The following MAIP1 variants were observed in gnomAD, a reference collection of about 807,000 sequenced individuals.
MAIP1 encodes the protein matrix AAA peptidase interacting protein 1, also known as m-AAA protease-interacting protein 1, mitochondrial.
MAIP1 carries 28 observed loss-of-function variants against 31.2 expected under a neutral mutation model. That is an observed-to-expected ratio of 0.90 (90% confidence interval 0.67 to 1.23). MAIP1 has a LOEUF of 1.23. Ranked by LOEUF, MAIP1 falls within the 50% of genes most tolerant of loss-of-function variation. MAIP1 has a pLI of 0.00. For synonymous variants in MAIP1, 142 were observed against 142.3 expected, an observed-to-expected ratio of 1.00 and a Z score of 0.02; for missense variants, 339 against 356.0, an observed-to-expected ratio of 0.95 and a Z score of 0.38.
Position 199,959,787 on chromosome 2 carries a change from C to G in MAIP1, c.556C>G (p.Leu186Val). The change falls in exon 3 of 5, where the codon CTA becomes GTA. Residue 186 changes from leucine (L) to valine (V), a missense_variant. Physicochemically the swap from Leu to Val is conservative, Grantham distance 32. Transcript: ENST00000392290. The stretch of plus-strand genomic sequence containing the variant: ...TGCATTGAAAGAAAAGGTTACTTCA[C>G]TACCTGACAACCATAAAAATGCCCT... The part of the protein sequence containing the change: ...LHALKEKVTS[L>V]PDNHKNALAA... 1 of 1,612,548 alleles carries G rather than the reference C, an allele frequency of 6.2e-7. No individual in the cohort carries two copies. Among genetic ancestry groups the G allele is most frequent in the Non-Finnish European group, 8.5e-7 (1 of 1,179,180 alleles).
At chr2:199,957,695 AAAAGTC>A (rs2077615485) in intron 1 of MAIP1, among the ~76,000 whole-genome samples, 2 of 152,260 alleles carry the variant, frequency 1.3e-5, no homozygotes. Context: ...TTTATATAAA[AAAAGTC>A]AAAGAACAAA....
chr2:199,961,733 G>T (rs1321591086), intron 3 of MAIP1, 48 bp from the exon 4 acceptor site: 1 of 1,526,000 alleles, frequency 6.6e-7, no homozygotes, highest in Non-Finnish European at 9.0e-7. Flanking sequence ...ATGGATGATA[G>T]ATTATTTTGA....
Position 199,958,401 on chromosome 2 carries a change from G to A in MAIP1, c.451-867G>A, listed in dbSNP as rs572140856. Among the ~76,000 whole-genome samples the A allele has an allele frequency of 1.8e-4, 27 of 152,200 alleles. No individual in the cohort carries two copies. The East Asian group carries it at 2.1e-3, about 12-fold the overall frequency. ...TTAGAGCTTCAGCATAAATTTTCGGGGAAGGAGAGCACAATTCATCCTATA... is the reference window on the plus strand; with the variant it reads ...TTAGAGCTTCAGCATAAATTTTCGGAGAAGGAGAGCACAATTCATCCTATA... On this transcript the variant is annotated intron_variant, in intron 1 of 4. Transcript: ENST00000392290.
At chr2:199,963,409 A>G (rs2077646436) in intron 4 of MAIP1, among the ~76,000 whole-genome samples, 2 of 152,158 alleles carry the variant, frequency 1.3e-5, no homozygotes, top group African/African-American at 4.8e-5. Context: ...GGCATGTGTT[A>G]TAGCTAGTAT....
rs544215698 is a variant in MAIP1 at position 199,955,614 on chromosome 2, CG to C, written c.-182del. On this transcript the variant is annotated 5_prime_UTR_variant, in exon 1 of 5. Coordinates refer to ENST00000392290, the MANE Select transcript of MAIP1 (RefSeq NM_001394955.1). ...AGAGTGGCTGGGTCCGAGCGCGGGG[CG>C]GGTTGCCGAAGGGCCTCGGCCTGGG... The C allele has an allele frequency of 1.1e-3, 1,319 of 1,246,020 alleles. 15 individuals carry two copies. In the African/African-American group the frequency reaches 0.018, roughly 17 times the overall value. The allele number at this position is 1,246,020 out of a possible 1,614,324, so 77.2% of individuals were successfully genotyped here.
chr2:199,960,487 A>G (rs1365580892), intron 3 of MAIP1, among the ~76,000 whole-genome samples: 1 of 152,228 alleles, frequency 6.6e-6, no homozygotes, highest in African/African-American at 2.4e-5. Flanking sequence ...TCGCATCCAC[A>G]GATTTAACCA....
In MAIP1 at chr2:199,961,154, A is replaced by C. The variant is rs532891086; in HGVS notation, c.650-627A>C. On this transcript the variant is annotated intron_variant, in intron 3 of 4. Transcript: ENST00000392290. ...GGTTTGACAACAGGTATCTGTCAGG[A>C]GATTATTATAATCTTAGAAAATGCC... is the stretch of plus-strand genomic sequence containing the variant. Among the ~76,000 whole-genome samples the C allele has an allele frequency of 6.6e-5, 10 of 152,204 alleles. No individual in the cohort carries two copies. In the South Asian group the frequency reaches 1.9e-3, roughly 28 times the overall value.
At chr2:199,958,424 A>G (rs1359317601) in intron 1 of MAIP1, among the ~76,000 whole-genome samples, 2 of 152,190 alleles carry the variant, frequency 1.3e-5, no homozygotes, top group East Asian at 1.9e-4. Flanking sequence ...AATTCATCCT[A>G]TAACAGTTAG....
Position 199,955,715 on chromosome 2 carries a change from CTT to C in MAIP1, c.-82_-81del. The C allele has an allele frequency of 2.2e-6, 3 of 1,374,866 alleles. No homozygotes were observed. Among genetic ancestry groups the C allele is most frequent in the Non-Finnish European group, 2.9e-6 (3 of 1,018,716 alleles). The allele number at this position is 1,374,866 out of a possible 1,614,324, so 85.2% of individuals were successfully genotyped here. ...ACAGGTCCACTTTGCTCTCCAGTCT[CTT>C]TCTCCGACACCGCTGAGGCGGTTTC... is the stretch of plus-strand genomic sequence containing the variant. On this transcript the variant is annotated 5_prime_UTR_variant, in exon 1 of 5. Coordinates refer to ENST00000392290, the MANE Select transcript of MAIP1 (RefSeq NM_001394955.1).
chr2:199,960,092 T>G (rs544755886), intron 3 of MAIP1, among the ~76,000 whole-genome samples: 1 of 152,370 alleles, frequency 6.6e-6, no homozygotes, highest in South Asian at 2.1e-4. Context: ...TTTTTTCTGC[T>G]ACTATTTTAT....
In MAIP1 at chr2:199,956,084, T is replaced by C; in HGVS notation, c.286T>C (p.Tyr96His). 2 of 1,614,004 alleles carry C rather than the reference T, an allele frequency of 1.2e-6. No individual in the cohort carries two copies. Among genetic ancestry groups the C allele is most frequent in the South Asian group, 2.2e-5 (2 of 91,076 alleles). Residue 96 changes from tyrosine (Y) to histidine (H), a missense_variant, in exon 1 of 5, where the codon TAC becomes CAC. Physicochemically the swap from Tyr to His is moderately conservative, Grantham distance 83 (BLOSUM62 2). Coordinates refer to ENST00000392290, the MANE Select transcript of MAIP1 (RefSeq NM_001394955.1). ...ASFPACPQRS[Y>H]STEEKPQQHQ... ...TTTCCCTGCCTGCCCTCAGCGCAGC[T>C]ACAGCACGGAGGAGAAGCCCCAGCA...
intron 2 of MAIP1, 29 bp downstream of exon 2, chr2:199,959,368 A>C: frequency 3.3e-6 from 4 of 1,205,270 alleles, no homozygotes; most frequent in Non-Finnish European, 4.9e-6. Flanking sequence ...TTTGCTTTAA[A>C]AATAAATGCT....
Position 199,963,756 on chromosome 2 carries a change from G to T in MAIP1, c.821G>T (p.Gly274Val), listed in dbSNP as rs373907210. The T allele has an allele frequency of 6.2e-7, 1 of 1,607,570 alleles. No homozygotes were observed. The highest frequency in any genetic ancestry group is 8.5e-7 in the Non-Finnish European group (1 of 1,174,528). The change falls in exon 5 of 5, where the codon GGA (glycine) becomes GTA (valine). Residue 274 changes from glycine to valine, a missense_variant. Gly to Val is a moderately radical substitution (Grantham distance 109). Transcript: ENST00000392290. ...SYEFQREFTQ[G>V]VKPDWTIARI... Reference sequence around the variant, plus strand: ...AGGTTTCAGAGGGAGTTCACACAAGGAGTAAAGCCTGACTGGACCATTGCA... The same window carrying T: ...AGGTTTCAGAGGGAGTTCACACAAGTAGTAAAGCCTGACTGGACCATTGCA...
At chr2:199,956,623 A>T (rs775061031) in intron 1 of MAIP1, among the ~76,000 whole-genome samples, 1 of 152,252 alleles carries the variant, frequency 6.6e-6, no homozygotes, top group Non-Finnish European at 1.5e-5. Flanking sequence ...CAAAGTGGGC[A>T]AGACAATGCC....
At position 199,955,845 on chromosome 2, in the gene MAIP1, C is replaced by A; in HGVS notation, c.47C>A (p.Ser16Ter). The change falls in exon 1 of 5, where the codon TCG (serine) becomes TAG (stop). Residue 16 changes from serine to a stop codon, truncating the protein, a stop_gained. Coordinates refer to ENST00000392290, the MANE Select transcript of MAIP1 (RefSeq NM_001394955.1). LOFTEE classifies it high-confidence loss of function. ...CTACCCCAGTTCCTGCACTCTCGGT[C>A]GCTGCCCTGCGGGGCCGTCCGACTC... ...RLLPQFLHSRSLPCGAVRLRT... is the reference protein window; with the variant it reads ...RLLPQFLHSR The A allele has an allele frequency of 6.6e-7, 1 of 1,523,160 alleles. No homozygotes were observed. Among genetic ancestry groups the A allele is most frequent in the Non-Finnish European group, 8.8e-7 (1 of 1,138,058 alleles). The allele number at this position is 1,523,160 out of a possible 1,614,324, so 94.4% of individuals were successfully genotyped here.
At chr2:199,962,738 A>G (rs1025738913) in intron 4 of MAIP1, among the ~76,000 whole-genome samples, 5 of 152,220 alleles carry the variant, frequency 3.3e-5, no homozygotes, top group Non-Finnish European at 5.9e-5. Context: ...GTGTGCCCAC[A>G]TGCTCTGGTA....
At chr2:199,955,380 G>GC, upstream of MAIP1, 3 of 1,612,570 alleles carry the variant, frequency 1.9e-6, no homozygotes, top group Non-Finnish European at 2.5e-6. Flanking sequence ...TCTGCCCCGC[G>GC]CGAGGGCCTC....
intron 3 of MAIP1, among the ~76,000 whole-genome samples, chr2:199,961,165 A>G (rs1574821363): frequency 6.6e-6 from 1 of 152,202 alleles, no homozygotes; most frequent in Middle Eastern, 3.4e-3. Context: ...GATTATTATA[A>G]TCTTAGAAAA....
In MAIP1 at chr2:199,959,256, AT is replaced by A. The variant is rs771891354; in HGVS notation, c.451-5del. ...TAATAATCCCCACACTTCCCTTAATATTTTTTTCAAGGCTTTTGCTCATGTA... is the reference window on the plus strand; with the variant it reads ...TAATAATCCCCACACTTCCCTTAATATTTTTTCAAGGCTTTTGCTCATGTA... On this transcript the variant is annotated splice_polypyrimidine_tract_variant and intron_variant, in intron 1 of 4. Transcript: ENST00000392290. The A allele has an allele frequency of 1.2e-5, 17 of 1,470,576 alleles. No individual in the cohort carries two copies. Among genetic ancestry groups the A allele is most frequent in the Non-Finnish European group, 1.5e-5 (16 of 1,050,158 alleles). 91.1% of individuals were successfully genotyped at this position (1,470,576 alleles called of 1,614,324 possible).
Sources: gnomAD v4.1 joint callset for allele counts (sites outside exome capture counted in the v4.1 genomes callset) on GRCh38, gnomAD v4.1.1 for gene constraint, MANE v1.5 for transcripts, NCBI Gene and HGNC (gene_info 2026-07-23, HGNC 2026-07-21) for gene names.